Variants in JPH3 observed in about 807,000 individuals in gnomAD.
The protein encoded by JPH3 is junctophilin 3, also known as junctophilin-3.
In JPH3, 11 loss-of-function variants were observed where a neutral mutation model predicts 59.6. That is an observed-to-expected ratio of 0.18 (90% CI 0.12 to 0.31). The LOEUF is 0.31. JPH3 is among the 10% of genes least tolerant of loss of function. The pLI, the probability that JPH3 is intolerant of heterozygous loss-of-function variation, is 1.00. For synonymous variants in JPH3, 673 were observed against 483.6 expected (o/e 1.39, Z -5.14); for missense variants, 1,202 against 1,105.7 (o/e 1.09, Z -1.24).
intron 2 of JPH3, among the ~76,000 whole-genome samples, chr16:87,650,195 A>G (rs1597262293): frequency 6.6e-6 from 1 of 152,302 alleles, no homozygotes. Flanking sequence ...ACACTTTGGT[A>G]ATTCTCACGG....
At chr16:87,681,371 G>A (rs369537583) in intron 2 of JPH3, among the ~76,000 whole-genome samples, 18 of 85,114 alleles carry the variant, frequency 2.1e-4, no homozygotes, top group Middle Eastern at 0.012. Flanking sequence ...GCGCGCGGTG[G>A]TGACAGTTCC....
intron 2 of JPH3, among the ~76,000 whole-genome samples, chr16:87,678,848 G>A (rs556456074): frequency 6.6e-6 from 1 of 152,334 alleles, no homozygotes; most frequent in African/African-American, 2.4e-5. Context: ...CCACGAGCCT[G>A]GGAACGCCGA....
chr16:87,603,723 C>G (rs886982438), intron 1 of JPH3, among the ~76,000 whole-genome samples, 195 bp downstream of exon 1: 2 of 152,224 alleles, frequency 1.3e-5, no homozygotes, highest in Admixed American at 6.5e-5. Flanking sequence ...GGACAGTGCC[C>G]CTGTGCCAGC....
Position 87,671,953 on chromosome 16 carries a change from G to T in JPH3, c.1161-12189G>T, listed in dbSNP as rs535484850. On this transcript the variant is annotated intron_variant, in intron 2 of 4. Transcript: ENST00000284262. ...TTTTTAGATAAATGCACCTTCGTCT[G>T]TGGGGGGTGGCCGCACCCAGCCTCG... Among the ~76,000 whole-genome samples, 3 of 152,370 alleles carry T rather than the reference G, an allele frequency of 2.0e-5. No homozygotes were observed. In the South Asian group the frequency reaches 6.2e-4, roughly 32 times the overall value.
chr16:87,673,286 A>T (rs2033063910), intron 2 of JPH3, among the ~76,000 whole-genome samples: 1 of 150,868 alleles, frequency 6.6e-6, no homozygotes, highest in Non-Finnish European at 1.5e-5. Flanking sequence ...CAAGGAGATA[A>T]TGCTGGGTTT....
In JPH3 at chr16:87,696,746, G is replaced by GC. The variant is rs1386004221; in HGVS notation, c.*87dup. On this transcript the variant is annotated 3_prime_UTR_variant, in exon 5 of 5. Coordinates refer to ENST00000284262, the MANE Select transcript of JPH3 (RefSeq NM_020655.4). ...GCAAAACCACAAGAAGGGAAAGACCGCAACTCGGACAGCCCAGCGACTTCC... is the reference window on the plus strand; with the variant it reads ...GCAAAACCACAAGAAGGGAAAGACCGCCAACTCGGACAGCCCAGCGACTTCC... The GC allele has an allele frequency of 1.1e-4, 128 of 1,119,408 alleles. No homozygotes were observed. The African/African-American group carries it at 1.2e-3, about 11-fold the overall frequency. The allele number at this position is 1,119,408 out of a possible 1,614,324, so 69.3% of individuals were successfully genotyped here.
chr16:87,617,792 G>A (rs2031026705), intron 1 of JPH3, among the ~76,000 whole-genome samples: 2 of 152,156 alleles, frequency 1.3e-5, no homozygotes, highest in Non-Finnish European at 2.9e-5. Flanking sequence ...AGCCGGGGCA[G>A]GGGTGCGTCC....
intron 1 of JPH3, among the ~76,000 whole-genome samples, chr16:87,624,389 T>A (rs1326367890): frequency 6.6e-6 from 1 of 152,224 alleles, no homozygotes; most frequent in Non-Finnish European, 1.5e-5. Context: ...CTCCTGACGT[T>A]TCGCATGCGT....
chr16:87,686,969 G>A (rs2033434114), intron 3 of JPH3, among the ~76,000 whole-genome samples: 1 of 152,180 alleles, frequency 6.6e-6, no homozygotes, highest in Non-Finnish European at 1.5e-5. Context: ...GAGCACCTCG[G>A]TCCGATCTGC....
At chr16:87,654,885 G>A (rs1480102275) in intron 2 of JPH3, 1 of 152,284 alleles carries the variant, frequency 6.6e-6, no homozygotes, top group East Asian at 1.9e-4. Flanking sequence ...GCGTAACCAC[G>A]CATGTCCACT....
In JPH3 at chr16:87,603,276, A is replaced by G; in HGVS notation, c.130A>G (p.Ser44Gly). 6.2e-7 allele frequency: 1 copy of G among 1,613,478 alleles called. No homozygotes were observed. The change falls in exon 1 of 5, where the codon AGC (serine) becomes GGC (glycine). Residue 44 changes from serine (S) to glycine (G), a missense_variant. By Grantham distance (56) the Ser-to-Gly change is moderately conservative. Transcript: ENST00000284262. ...CCAAGGCGAATACACCGGCTCGTGG[A>G]GCCACGGCTTCGAGGTGCTGGGCGT... ...KGQGEYTGSW[S>G]HGFEVLGVYT... is the part of the protein sequence containing the mutation.
chr16:87,612,146 G>A (rs1226755117), intron 1 of JPH3, among the ~76,000 whole-genome samples: 2 of 152,126 alleles, frequency 1.3e-5, no homozygotes. Flanking sequence ...TTTTCAGACG[G>A]GGGCTGGCTC....
At chr16:87,682,271 C>G (rs527330806) in intron 2 of JPH3, among the ~76,000 whole-genome samples, 1 of 152,258 alleles carries the variant, frequency 6.6e-6, no homozygotes, top group South Asian at 2.1e-4. Flanking sequence ...AATCTTGAAA[C>G]AAGAAAGCCA....
intron 2 of JPH3, among the ~76,000 whole-genome samples, chr16:87,680,364 G>A (rs1186148893): frequency 6.6e-6 from 1 of 152,258 alleles, no homozygotes; most frequent in Non-Finnish European, 1.5e-5. Context: ...GCGCCCGGAA[G>A]GAAGCGGTGT....
At chr16:87,645,091 C>G in intron 2 of JPH3, 56 bp downstream of exon 2, 1 of 1,532,494 alleles carries the variant, frequency 6.5e-7, no homozygotes, top group African/African-American at 1.4e-5. Flanking sequence ...TGTTTGTGAG[C>G]CCAGTCTGTT....
intron 1 of JPH3, chr16:87,604,936 C>T (rs1377165851): frequency 4.4e-6 from 2 of 451,272 alleles, no homozygotes; most frequent in Admixed American, 2.4e-5. Context: ...CGCTGAGGGC[C>T]GGGCGGGAGC....
intron 1 of JPH3, 72 bp downstream of exon 1, chr16:87,603,600 C>T: frequency 6.7e-7 from 1 of 1,488,426 alleles, no homozygotes; most frequent in Non-Finnish European, 9.0e-7. Flanking sequence ...CTGTGGATCT[C>T]TGGGGAAGTT....
intron 1 of JPH3, among the ~76,000 whole-genome samples, chr16:87,612,035 A>C (rs2030748433): frequency 6.6e-6 from 1 of 152,200 alleles, no homozygotes; most frequent in Non-Finnish European, 1.5e-5. Flanking sequence ...AGCTTCATCT[A>C]GGTTGCTTTA....
At chr16:87,690,840 T>C (rs2033551151) in intron 4 of JPH3, among the ~76,000 whole-genome samples, 1 of 152,224 alleles carries the variant, frequency 6.6e-6, no homozygotes. Flanking sequence ...CCCCAGCTGC[T>C]CCAAGAGTCT....
Sources: allele counts gnomAD v4.1 joint callset (sites outside exome capture counted in the v4.1 genomes callset), GRCh38; gene constraint gnomAD v4.1.1; transcripts MANE v1.5; gene names NCBI Gene and HGNC (gene_info 2026-07-23, HGNC 2026-07-21).